Variants in GUCY2C observed in about 807,000 individuals in gnomAD.
The protein encoded by GUCY2C is guanylyl cyclase C.
GUCY2C carries 118 observed loss-of-function variants against 131.1 expected under a neutral mutation model. That is an observed-to-expected ratio of 0.90 (90% CI 0.78 to 1.05). The LOEUF is 1.05. GUCY2C is among the 50% of genes least tolerant of loss of function. The pLI, the probability that GUCY2C is intolerant of heterozygous loss-of-function variation, is 0.00. For synonymous variants in GUCY2C, 452 were observed against 457.8 expected, an observed-to-expected ratio of 0.99 and a Z score of 0.16; for missense variants, 1,161 against 1,304.4, an observed-to-expected ratio of 0.89 and a Z score of 1.69.
chr12:14,662,079 A>C (rs902705553), intron 10 of GUCY2C, among the ~76,000 whole-genome samples: 8 of 152,140 alleles, frequency 5.3e-5, no homozygotes, highest in Admixed American at 1.3e-4. Flanking sequence ...ATATGCCGCA[A>C]TGAATTCCCT....
At chr12:14,632,373 A>G (rs1947164272) in intron 19 of GUCY2C, among the ~76,000 whole-genome samples, 1 of 152,182 alleles carries the variant, frequency 6.6e-6, no homozygotes, top group Non-Finnish European at 1.5e-5. Flanking sequence ...AAAGATCATA[A>G]ATATCTTAAA....
chr12:14,686,321 A>G, intron 2 of GUCY2C, 96 bp from the exon 3 acceptor site: 1 of 872,194 alleles, frequency 1.1e-6, no homozygotes, highest in Admixed American at 2.1e-5. Flanking sequence ...AGAGGTTTAG[A>G]AAGTTGGGCC....
chr12:14,672,886 A>G lies in GUCY2C; in HGVS notation c.1157T>C (p.Val386Ala). 1.3e-6 allele frequency: 2 copies of G among 1,595,638 alleles called. No individual in the cohort carries two copies. The highest frequency in any genetic ancestry group is 1.7e-6 in the Non-Finnish European group (2 of 1,163,218). ...DSTMVLLYTS[V>A]DTKKYKVLLT... Reference sequence around the variant, plus strand: ...AGTGAGACATACTTTCTTGGTGTCCACAGAGGTATACAGAAGCACCATGGT... The same window carrying G: ...AGTGAGACATACTTTCTTGGTGTCCGCAGAGGTATACAGAAGCACCATGGT... The change falls in exon 9 of 27, where the codon GTG becomes GCG. Residue 386 changes from valine (V) to alanine (A), a missense_variant. Transcript: ENST00000261170.
intron 7 of GUCY2C, among the ~76,000 whole-genome samples, chr12:14,675,081 C>T (rs1298547905): frequency 6.6e-6 from 1 of 151,636 alleles, no homozygotes; most frequent in Non-Finnish European, 1.5e-5. Flanking sequence ...TGTGGTGGCA[C>T]ATGCCTGTAA....
intron 15 of GUCY2C, among the ~76,000 whole-genome samples, chr12:14,650,539 C>G (rs1208562265): frequency 1.3e-5 from 2 of 152,238 alleles, no homozygotes; most frequent in African/African-American, 2.4e-5. Context: ...AGCCACCGTG[C>G]CCAGCCTTGT....
At chr12:14,637,449 T>A (rs1390128605) in intron 19 of GUCY2C, among the ~76,000 whole-genome samples, 1 of 151,972 alleles carries the variant, frequency 6.6e-6, no homozygotes, top group Non-Finnish European at 1.5e-5. Context: ...CTAAAATCCA[T>A]ACGAAACCAA....
At chr12:14,668,006 T>C (rs948950131) in intron 10 of GUCY2C, among the ~76,000 whole-genome samples, 1 of 142,664 alleles carries the variant, frequency 7.0e-6, no homozygotes, top group Admixed American at 7.1e-5. Flanking sequence ...TTTCTTTTTT[T>C]TTTTTTTTTT....
At chr12:14,621,299 C>T in intron 22 of GUCY2C, 83 bp from the exon 23 acceptor site, 1 of 1,227,288 alleles carries the variant, frequency 8.1e-7, no homozygotes. Context: ...ACATGTCAAA[C>T]ACAAAAAGTG....
rs117069187 is a variant in GUCY2C at position 14,649,116 on chromosome 12, A to G, written c.1710+2291T>C. 7.2e-3 allele frequency among the ~76,000 whole-genome samples: 1,095 copies of G among 152,230 alleles called. 4 individuals are homozygous for G. Among genetic ancestry groups the G allele is most frequent in the Non-Finnish European group, 0.011 (743 of 68,004 alleles). ...TTCATGTGGGTCTTACTCTAATGTC[A>G]TCTTGCCAGAGAAGTCTTCCATGGC... On this transcript the variant is annotated intron_variant, in intron 15 of 26. Coordinates refer to ENST00000261170, the MANE Select transcript of GUCY2C (RefSeq NM_004963.4).
chr12:14,652,804 C>A, intron 13 of GUCY2C, 148 bp downstream of exon 13: 1 of 672,906 alleles, frequency 1.5e-6, no homozygotes, highest in Non-Finnish European at 2.7e-6. Context: ...AGGGCCCTGC[C>A]CATCCCTGTG....
chr12:14,679,473 G>A lies in GUCY2C; in HGVS notation c.830+184C>T, dbSNP rs534792774. On this transcript the variant is annotated intron_variant, in intron 6 of 26. Transcript: ENST00000261170. ...CAAATGGTGAAGGTGTCAAAGGAAT[G>A]CATCTCTGCTAAAGCCACAATTAGC... 4.6e-5 allele frequency among the ~76,000 whole-genome samples: 7 copies of A among 152,334 alleles called. No homozygotes were observed. In the East Asian group the frequency reaches 1.3e-3, roughly 29 times the overall value.
intron 3 of GUCY2C, 54 bp downstream of exon 3, chr12:14,686,107 T>C: frequency 2.8e-6 from 3 of 1,069,160 alleles, no homozygotes; most frequent in Non-Finnish European, 4.4e-6. Flanking sequence ...GTTTGATGAG[T>C]CCTTTAAGTT....
chr12:14,618,076 A>G (rs913615314), intron 24 of GUCY2C, among the ~76,000 whole-genome samples: 4 of 152,158 alleles, frequency 2.6e-5, no homozygotes, highest in Non-Finnish European at 4.4e-5. Context: ...TCTCTCTTCT[A>G]TATATTTCTA....
At chr12:14,675,480 C>T (rs144823314) in intron 7 of GUCY2C, among the ~76,000 whole-genome samples, 67 of 152,130 alleles carry the variant, frequency 4.4e-4, no homozygotes, top group African/African-American at 1.5e-3. Flanking sequence ...TATTAAAGTG[C>T]AAAAGAGAAA....
At chr12:14,673,481 CAT>C (rs1193545306) in intron 8 of GUCY2C, among the ~76,000 whole-genome samples, 3 of 152,154 alleles carry the variant, frequency 2.0e-5, no homozygotes, top group Non-Finnish European at 4.4e-5. Flanking sequence ...AGTAACTTCA[CAT>C]GTTTCGACAT....
intron 15 of GUCY2C, 29 bp from the exon 16 acceptor site, chr12:14,645,344 A>T (rs752060482): frequency 8.9e-7 from 1 of 1,120,512 alleles, no homozygotes; most frequent in Non-Finnish European, 1.4e-6. Flanking sequence ...GAAGAAGAAA[A>T]GTTGTTGCAA....
intron 8 of GUCY2C, among the ~76,000 whole-genome samples, chr12:14,673,493 T>C (rs1454556283): frequency 6.6e-6 from 1 of 152,216 alleles, no homozygotes; most frequent in Admixed American, 6.5e-5. Context: ...TGTTTCGACA[T>C]AACAATGAAC....
intron 19 of GUCY2C, among the ~76,000 whole-genome samples, chr12:14,634,727 T>A (rs763162497): frequency 6.6e-6 from 1 of 152,168 alleles, no homozygotes; most frequent in Non-Finnish European, 1.5e-5. Flanking sequence ...ACTCATCTTA[T>A]CTGTAAAGAA....
At chr12:14,675,431 T>G (rs1160848767) in intron 7 of GUCY2C, among the ~76,000 whole-genome samples, 2 of 152,004 alleles carry the variant, frequency 1.3e-5, no homozygotes, top group Admixed American at 6.6e-5. Context: ...CTTATAAGAT[T>G]TTATATAGAA....
Sources: allele counts gnomAD v4.1 joint callset (sites outside exome capture counted in the v4.1 genomes callset), GRCh38; gene constraint gnomAD v4.1.1; transcripts MANE v1.5; gene names NCBI Gene and HGNC (gene_info 2026-07-23, HGNC 2026-07-21).